Variants in NME8 observed in about 807,000 individuals in gnomAD.
The protein encoded by NME8 is protein NME8.
Under a neutral mutation model 82.3 loss-of-function variants are expected in NME8, and 72 were observed. The ratio of observed to expected loss-of-function variants is 0.87; its 90% confidence interval spans 0.72 to 1.06. The LOEUF (loss-of-function observed/expected upper bound fraction) is 1.06. NME8 is among the 50% of genes least tolerant of loss of function. NME8 has a pLI of 0.00. For missense variants in NME8, 712 were observed against 685.4 expected, an observed-to-expected ratio of 1.04 and a Z score of -0.43; for synonymous variants, 267 against 228.5, an observed-to-expected ratio of 1.17 and a Z score of -1.52.
rs1275474335 is a variant in NME8, at chr7:37,864,790, G to A, written c.528+369G>A. Among the ~76,000 whole-genome samples the A allele has an allele frequency of 2.0e-5, 3 of 152,176 alleles. No individual in the cohort carries two copies. In the East Asian group the frequency reaches 5.8e-4, roughly 29 times the overall value. On this transcript the variant is annotated intron_variant, in intron 9 of 17. Coordinates refer to ENST00000199447, the MANE Select transcript of NME8 (RefSeq NM_016616.5). The stretch of plus-strand genomic sequence containing the variant: ...TGGCTGGGGAGGCATCACAATCATG[G>A]CAGAAGGCAAGGAGGAGCAAGTCAC...
At chr7:37,870,790 AC>A (rs1265166420) in intron 11 of NME8, among the ~76,000 whole-genome samples, 1 of 151,716 alleles carries the variant, frequency 6.6e-6, no homozygotes, top group Non-Finnish European at 1.5e-5. Flanking sequence ...CAACTAATAT[AC>A]TTTTTGTCTG....
At chr7:37,863,128 T>C (rs980230489) in intron 7 of NME8, among the ~76,000 whole-genome samples, 1 of 151,898 alleles carries the variant, frequency 6.6e-6, no homozygotes, top group East Asian at 1.9e-4. Flanking sequence ...TCAAAAAAAA[T>C]TTAAAAAAAA....
intron 5 of NME8, among the ~76,000 whole-genome samples, chr7:37,852,419 A>C (rs1583624699): frequency 6.6e-6 from 1 of 152,166 alleles, no homozygotes; most frequent in African/African-American, 2.4e-5. Context: ...GAGTTTAACA[A>C]ATGTGTAATG....
chr7:37,858,461 T>TTTGTTG (rs374868199), intron 6 of NME8, among the ~76,000 whole-genome samples: 27 of 152,110 alleles, frequency 1.8e-4, no homozygotes, highest in Admixed American at 3.9e-4. Context: ...TAACGTTGTT[T>TTTGTTG]TTGTTGTTGT....
Position 37,857,307 on chromosome 7 carries a change from T to G in NME8, c.232T>G (p.Phe78Val). The G allele has an allele frequency of 2.5e-6, 4 of 1,611,710 alleles. No individual in the cohort carries two copies. The highest frequency in any genetic ancestry group is 3.4e-6 in the Non-Finnish European group (4 of 1,178,406). ...TGACAACATTGTGACTTTGCAGCCA[T>G]TTAGAGATAAATGTGAACCTGTTTT... ...EADNIVTLQP[F>V]RDKCEPVFLF... The change falls in exon 6 of 18, where the codon TTT becomes GTT. Residue 78 changes from phenylalanine (F) to valine (V), a missense_variant. Phe to Val is a conservative substitution (Grantham distance 50). Transcript: ENST00000199447.
intron 12 of NME8, among the ~76,000 whole-genome samples, chr7:37,882,053 T>C (rs1784954630): frequency 6.6e-6 from 1 of 152,246 alleles, no homozygotes; most frequent in African/African-American, 2.4e-5. Context: ...ATTTAGATAC[T>C]TGCAAAATAT....
intron 3 of NME8, 32 bp downstream of exon 3, chr7:37,850,331 G>A (rs1316276842): frequency 1.2e-6 from 2 of 1,613,738 alleles, no homozygotes; most frequent in African/African-American, 1.3e-5. Flanking sequence ...TTCTTTATCT[G>A]GTGCACTAGT....
chr7:37,897,099 T>TAG lies in NME8; in HGVS notation c.*8_*9insGA. The TAG allele has an allele frequency of 6.5e-7, 1 of 1,539,838 alleles. No individual in the cohort carries two copies. The highest frequency in any genetic ancestry group is 9.0e-7 in the Non-Finnish European group (1 of 1,112,646). On this transcript the variant is annotated 3_prime_UTR_variant, in exon 17 of 18. Coordinates refer to ENST00000199447, the MANE Select transcript of NME8 (RefSeq NM_016616.5). ...GGATCCTGAGGAAAACTAAAGTATA[T>TAG]ACTGTGAAGTACGTACCTGTTTAAT...
At chr7:37,864,477 T>C in intron 9 of NME8, 56 bp downstream of exon 9, 1 of 1,453,866 alleles carries the variant, frequency 6.9e-7, no homozygotes, top group Non-Finnish European at 9.4e-7. Flanking sequence ...AACCTCTTAA[T>C]CGTCAGTTCA....
At chr7:37,878,343 T>A (rs2722344) in intron 12 of NME8, among the ~76,000 whole-genome samples, 71,887 of 151,922 alleles carry the variant, frequency 0.47, 17,373 homozygotes, top group East Asian at 0.74. Context: ...ACACTGCAGG[T>A]TTTGATTTGC....
rs1583635993 is a variant in NME8, at chr7:37,874,693, G to T, written c.819-2139G>T. 2.0e-5 allele frequency among the ~76,000 whole-genome samples: 3 copies of T among 152,188 alleles called. No individual in the cohort carries two copies. The South Asian group carries it at 6.2e-4, about 32-fold the overall frequency. On this transcript the variant is annotated intron_variant, in intron 11 of 17. Coordinates refer to ENST00000199447, the MANE Select transcript of NME8 (RefSeq NM_016616.5). Reference sequence around the variant, plus strand: ...ATAAAGTCAAGAATATGGCTATTAGGCTAACTATGAAAAGGTTAATTTTCC... The same window carrying T: ...ATAAAGTCAAGAATATGGCTATTAGTCTAACTATGAAAAGGTTAATTTTCC...
chr7:37,859,461 T>C (rs1784566908), intron 6 of NME8, among the ~76,000 whole-genome samples: 2 of 152,214 alleles, frequency 1.3e-5, no homozygotes, highest in African/African-American at 4.8e-5. Flanking sequence ...TGGCTTACCT[T>C]AGTTCTACCT....
chr7:37,880,061 C>A (rs1485912822), intron 12 of NME8, among the ~76,000 whole-genome samples: 1 of 147,732 alleles, frequency 6.8e-6, no homozygotes, highest in African/African-American at 2.5e-5. Context: ...TCATTTTCCT[C>A]ATTGTTGAGT....
chr7:37,888,479 G>A (rs1785077582), intron 15 of NME8, 51 bp downstream of exon 15: 1 of 1,547,824 alleles, frequency 6.5e-7, no homozygotes, highest in South Asian at 1.2e-5. Flanking sequence ...CAAATTTTGT[G>A]AACATTTAAA....
intron 15 of NME8, among the ~76,000 whole-genome samples, chr7:37,894,141 T>C (rs1463598428): frequency 6.6e-6 from 1 of 152,178 alleles, no homozygotes; most frequent in Non-Finnish European, 1.5e-5. Context: ...AAGAAATTCC[T>C]TGGCATTTGT....
intron 5 of NME8, among the ~76,000 whole-genome samples, chr7:37,853,749 T>G (rs1297153884): frequency 6.6e-6 from 1 of 152,122 alleles, no homozygotes; most frequent in East Asian, 1.9e-4. Context: ...CTTGAACATG[T>G]AGGTCCAAAA....
chr7:37,854,874 T>A (rs1268069389), intron 5 of NME8, among the ~76,000 whole-genome samples: 1 of 152,194 alleles, frequency 6.6e-6, no homozygotes, highest in East Asian at 1.9e-4. Flanking sequence ...ATAAATCCCA[T>A]GAAGTCATGC....
intron 2 of NME8, among the ~76,000 whole-genome samples, chr7:37,850,002 A>G (rs1784415365): frequency 1.3e-5 from 2 of 152,214 alleles, no homozygotes; most frequent in South Asian, 4.1e-4. Flanking sequence ...TGTTTGTAAC[A>G]CAAAGGATAA....
At chr7:37,870,888 C>T (rs986318336) in intron 11 of NME8, among the ~76,000 whole-genome samples, 2 of 152,228 alleles carry the variant, frequency 1.3e-5, no homozygotes, top group Admixed American at 1.3e-4. Flanking sequence ...CTTATTTTCA[C>T]AGCTCTTGCT....
Sources: gnomAD v4.1 joint callset for allele counts (sites outside exome capture counted in the v4.1 genomes callset) on GRCh38, gnomAD v4.1.1 for gene constraint, MANE v1.5 for transcripts, NCBI Gene and HGNC (gene_info 2026-07-23, HGNC 2026-07-21) for gene names.